The following ZNF114 variants were observed in gnomAD, a reference collection of about 807,000 sequenced individuals.
ZNF114 encodes zinc finger protein 114, also known as zinc finger protein 114 (Y18).
In ZNF114, 8 loss-of-function variants were observed where a neutral mutation model predicts 6.8. The observed-to-expected ratio is 1.18, with a 90% CI of 0.69 to 2.13. The LOEUF is 2.13. Ranked by LOEUF, ZNF114 falls within the 30% of genes most tolerant of loss-of-function variation. ZNF114 has a pLI of 0.00. For synonymous variants in ZNF114, 169 were observed against 185.5 expected, an observed-to-expected ratio of 0.91 and a Z score of 0.72; for missense variants, 472 against 519.5, an observed-to-expected ratio of 0.91 and a Z score of 0.89.
chr19:48,283,299 T>A (rs770145468), intron 5 of ZNF114, among the ~76,000 whole-genome samples: 1 of 152,128 alleles, frequency 6.6e-6, no homozygotes, highest in African/African-American at 2.4e-5. Flanking sequence ...TTTTAGTGCA[T>A]TGATGAGAAA....
At chr19:48,272,948 A>G (rs1173399939) in intron 3 of ZNF114, among the ~76,000 whole-genome samples, 1 of 151,844 alleles carries the variant, frequency 6.6e-6, no homozygotes, top group African/African-American at 2.4e-5. Flanking sequence ...GGCGCCCGCC[A>G]CCGCGCCCGG....
At position 48,287,053 on chromosome 19, in the gene ZNF114, A is replaced by G. The variant is rs955188312; in HGVS notation, c.*175A>G. 41 of 575,646 alleles carry G rather than the reference A, an allele frequency of 7.1e-5. No individual in the cohort carries two copies. Among genetic ancestry groups the G allele is most frequent in the Non-Finnish European group, 1.1e-4 (38 of 357,474 alleles). The allele number at this position is 575,646 out of a possible 1,614,324, so 35.7% of individuals were successfully genotyped here. On this transcript the variant is annotated 3_prime_UTR_variant, in exon 6 of 6. Transcript: ENST00000595607. Reference sequence around the variant, plus strand: ...AGGTAAAGTCTACAGAAAGCCTTTCATCTTCATTCATCTTGAGTAGACATT... The same window carrying G: ...AGGTAAAGTCTACAGAAAGCCTTTCGTCTTCATTCATCTTGAGTAGACATT...
Position 48,286,310 on chromosome 19 carries a change from C to T in ZNF114, c.686C>T (p.Ala229Val), listed in dbSNP as rs1968127678. The T allele has an allele frequency of 8.7e-6, 14 of 1,614,198 alleles. No individual in the cohort carries two copies. The highest frequency in any genetic ancestry group is 1.2e-5 in the Non-Finnish European group (14 of 1,180,040). ...NRHQRNPFGK[A>V]FREDGSLRAH... ...CACCAGCGGAATCCATTTGGAAAAG[C>T]TTTCCGTGAAGACGGATCCCTTAGG... Residue 229 changes from alanine (A) to valine (V), a missense_variant, in exon 6 of 6, where the codon GCT becomes GTT. Ala to Val is a moderately conservative substitution (Grantham distance 64). Coordinates refer to ENST00000595607, the MANE Select transcript of ZNF114 (RefSeq NM_153608.4).
rs781359289 is a variant in ZNF114, at chr19:48,286,927, T to A, written c.*49T>A. 6.6e-7 allele frequency: 1 copy of A among 1,517,952 alleles called. No individual in the cohort carries two copies. Among genetic ancestry groups the A allele is most frequent in the Non-Finnish European group, 8.8e-7 (1 of 1,138,390 alleles). 94.0% of individuals were successfully genotyped at this position (1,517,952 alleles called of 1,614,324 possible). ...TAATTTTCTGACTGTACCAAACATG[T>A]GAGGAGGACATATTGGAAGGGAGCT... On this transcript the variant is annotated 3_prime_UTR_variant, in exon 6 of 6. Transcript: ENST00000595607.
At chr19:48,279,704 T>G in intron 3 of ZNF114, 27 bp from the exon 4 acceptor site, 1 of 1,557,198 alleles carries the variant, frequency 6.4e-7, no homozygotes, top group Non-Finnish European at 8.8e-7. Flanking sequence ...GGTGCCTGGA[T>G]TCTCATAGCT....
At chr19:48,284,465 CTG>C (rs1968067987) in intron 5 of ZNF114, among the ~76,000 whole-genome samples, 1 of 151,966 alleles carries the variant, frequency 6.6e-6, no homozygotes, top group African/African-American at 2.4e-5. Flanking sequence ...AACAGGCACT[CTG>C]TTGCCCAGGC....
At chr19:48,279,958 T>C in intron 4 of ZNF114, 150 bp downstream of exon 4, 1 of 1,127,588 alleles carries the variant, frequency 8.9e-7, no homozygotes, top group Non-Finnish European at 1.3e-6. Flanking sequence ...CACCTCTGCT[T>C]GGAGAGAGAT....
Position 48,279,641 on chromosome 19 carries a change from A to T in ZNF114, c.-69-90A>T, listed in dbSNP as rs75933021. The stretch of plus-strand genomic sequence containing the variant: ...GGGAAGTGTGTGCACACGTGCATTT[A>T]TATGCTGAGATTAATGTCAGGCAGG... On this transcript the variant is annotated intron_variant, in intron 3 of 5. Transcript: ENST00000595607. 5.5e-3 allele frequency: 4,659 copies of T among 849,948 alleles called. 152 individuals carry two copies. In the African/African-American group the frequency reaches 0.069, roughly 13 times the overall value. The allele number at this position is 849,948 out of a possible 1,614,324, so 52.7% of individuals were successfully genotyped here.
chr19:48,275,981 C>CA (rs34451904), intron 3 of ZNF114, among the ~76,000 whole-genome samples: 22,497 of 121,456 alleles, frequency 0.19, 2,091 homozygotes, highest in Non-Finnish European at 0.22. Flanking sequence ...GACTCCATCT[C>CA]AAAAAAAAAA....
intron 1 of ZNF114, among the ~76,000 whole-genome samples, chr19:48,270,522 GGA>G (rs906100397): frequency 3.3e-4 from 46 of 137,736 alleles, no homozygotes; most frequent in African/African-American, 1.1e-3. Context: ...AGAAAGGGAG[GGA>G]GAGAGAGAAA....
At chr19:48,282,309 G>A (rs2147293236) in intron 4 of ZNF114, 62 bp from the exon 5 acceptor site, 1 of 1,598,100 alleles carries the variant, frequency 6.3e-7, no homozygotes, top group South Asian at 1.1e-5. Flanking sequence ...GTGGAGAAAG[G>A]GGTCACAGTT....
rs78211520 is a variant in ZNF114 at position 48,277,517 on chromosome 19, G to C, written c.-69-2214G>C. ...TCCCCCTCTGGTTTTCTCTGTCTGG[G>C]TATCATTATGAGCGCAGGTATTTTT... On this transcript the variant is annotated intron_variant, in intron 3 of 5. Transcript: ENST00000595607. Among the ~76,000 whole-genome samples, 308 of 152,096 alleles carry C rather than the reference G, an allele frequency of 2.0e-3. 3 individuals carry two copies. The highest frequency in any genetic ancestry group is 7.3e-3 in the African/African-American group (301 of 41,494).
intron 3 of ZNF114, among the ~76,000 whole-genome samples, chr19:48,276,397 T>G (rs951030144): frequency 1.1e-4 from 17 of 152,036 alleles, no homozygotes; most frequent in African/African-American, 4.1e-4. Flanking sequence ...CTCTGAAAGT[T>G]GCATTCCTTT....
chr19:48,275,195 AAAGAGAGAGG>A (rs1462029325), intron 3 of ZNF114, among the ~76,000 whole-genome samples: 2 of 146,048 alleles, frequency 1.4e-5, no homozygotes, highest in East Asian at 4.2e-4. Context: ...AGAGAGAGAA[AAAGAGAGAGG>A]AAGAGAGAAA....
chr19:48,270,759 AAG>A (rs1967634911), intron 1 of ZNF114, among the ~76,000 whole-genome samples: 1 of 78,012 alleles, frequency 1.3e-5, no homozygotes, highest in Non-Finnish European at 3.0e-5. Flanking sequence ...AAAGAGAAAA[AAG>A]AGAAAGAAAG....
Position 48,286,653 on chromosome 19 carries a change from T to C in ZNF114, c.1029T>C (p.Tyr343=), listed in dbSNP as rs771166615. 6.2e-7 allele frequency: 1 copy of C among 1,613,334 alleles called. No individual in the cohort carries two copies. The highest frequency in any genetic ancestry group is 8.5e-7 in the Non-Finnish European group (1 of 1,179,880). ...ECGKCGKAFR[Y]SLHLNKHLRK... ...GGAAATGTGGGAAAGCCTTTAGATA[T>C]TCCTTACACCTTAATAAACATTTAA... The change falls in exon 6 of 6, where the codon TAT becomes TAC. Residue 343 remains tyrosine (Y), a synonymous_variant. Coordinates refer to ENST00000595607, the MANE Select transcript of ZNF114 (RefSeq NM_153608.4).
intron 5 of ZNF114, 90 bp downstream of exon 5, chr19:48,282,587 C>T (rs1968020365): frequency 1.4e-6 from 2 of 1,470,900 alleles, no homozygotes; most frequent in Middle Eastern, 2.3e-4. Context: ...AAAATGGGAA[C>T]TGGGTTAAAT....
intron 5 of ZNF114, among the ~76,000 whole-genome samples, chr19:48,285,058 A>G (rs1032601825): frequency 2.0e-5 from 3 of 152,220 alleles, no homozygotes; most frequent in African/African-American, 7.2e-5. Context: ...CCTCAGTAAC[A>G]TGACACTCTC....
rs1216039501 is a variant in ZNF114, at chr19:48,286,650, A to C, written c.1026A>C (p.Arg342Ser). 6.2e-7 allele frequency: 1 copy of C among 1,613,714 alleles called. No homozygotes were observed. The change falls in exon 6 of 6, where the codon AGA becomes AGC. Residue 342 changes from arginine to serine, a missense_variant. By Grantham distance (110) the Arg-to-Ser change is moderately radical. Transcript: ENST00000595607. ...GTGGGAAATGTGGGAAAGCCTTTAG[A>C]TATTCCTTACACCTTAATAAACATT... ...YECGKCGKAF[R>S]YSLHLNKHLR...
Sources: allele counts gnomAD v4.1 joint callset (sites outside exome capture counted in the v4.1 genomes callset), GRCh38; gene constraint gnomAD v4.1.1; transcripts MANE v1.5; gene names NCBI Gene and HGNC (gene_info 2026-07-23, HGNC 2026-07-21).